CTDSP2: variants seen among roughly 807,000 people sequenced by gnomAD.
CTDSP2 encodes CTD small phosphatase 2.
A neutral mutation model predicts 31.6 loss-of-function variants in CTDSP2; 9 were observed. The ratio of observed to expected loss-of-function variants is 0.28; its 90% CI spans 0.17 to 0.50. The LOEUF is 0.50. Ranked by LOEUF, CTDSP2 falls within the 20% of genes least tolerant of loss-of-function variation. The pLI, the probability that CTDSP2 is intolerant of heterozygous loss-of-function variation, is 0.98. For missense variants in CTDSP2, 267 were observed against 348.5 expected (o/e 0.77, Z 1.86); for synonymous variants, 134 against 134.5 (o/e 1.00, Z 0.03).
intron 1 of CTDSP2, chr12:57,837,248 C>G (rs1304111041): frequency 2.0e-5 from 3 of 152,290 alleles, no homozygotes; most frequent in Non-Finnish European, 4.4e-5. Context: ...GGGTGAGATG[C>G]CTAGACAGCC....
intron 1 of CTDSP2, among the ~76,000 whole-genome samples, chr12:57,835,906 C>T (rs1215418636): frequency 1.3e-5 from 2 of 152,190 alleles, no homozygotes; most frequent in African/African-American, 2.4e-5. Context: ...GTTTCCTCAT[C>T]CATAAACTGG....
At chr12:57,834,470 C>T (rs1956234856) in intron 1 of CTDSP2, among the ~76,000 whole-genome samples, 1 of 152,188 alleles carries the variant, frequency 6.6e-6, no homozygotes, top group Non-Finnish European at 1.5e-5. Context: ...GGGAATCCAC[C>T]CCCACCCCTG....
chr12:57,834,072 G>T (rs1956232351), intron 1 of CTDSP2, among the ~76,000 whole-genome samples: 1 of 152,220 alleles, frequency 6.6e-6, no homozygotes, highest in Non-Finnish European at 1.5e-5. Context: ...CCAGAGCCCA[G>T]GCTCTTAACC....
At chr12:57,839,456 A>T (rs184138398) in intron 1 of CTDSP2, among the ~76,000 whole-genome samples, 36 of 152,304 alleles carry the variant, frequency 2.4e-4, no homozygotes, top group African/African-American at 5.5e-4. Context: ...CGGTGGCTCA[A>T]GCCTGTAATC....
Position 57,823,595 on chromosome 12 carries a change from G to A in CTDSP2, c.*7C>T, listed in dbSNP as rs375641065. 10 of 1,613,488 alleles carry A rather than the reference G, an allele frequency of 6.2e-6. No individual in the cohort carries two copies. In the African/African-American group the frequency reaches 1.3e-4, roughly 22 times the overall value. ...CTGGGATGGCCGTCGCTTGGAAGCA[G>A]GGCAGGCTAAGGGGCCCGCAGCTGC... On this transcript the variant is annotated 3_prime_UTR_variant, in exon 8 of 8. Transcript: ENST00000398073.
Position 57,823,549 on chromosome 12 carries a change from A to G in CTDSP2, c.*53T>C, listed in dbSNP as rs980460310. On this transcript the variant is annotated 3_prime_UTR_variant, in exon 8 of 8. Transcript: ENST00000398073. ...ACTCTGTCACGCTGATCGTAAAGGC[A>G]CAGTGTGGGAAAGTCCCCTACTGGG... 6.2e-7 allele frequency: 1 copy of G among 1,601,846 alleles called. No homozygotes were observed. Among genetic ancestry groups the G allele is most frequent in the Non-Finnish European group, 8.5e-7 (1 of 1,174,478 alleles).
rs564951634 is a variant in CTDSP2 at position 57,836,243 on chromosome 12, C to T, written c.65-6647G>A. Among the ~76,000 whole-genome samples the T allele has an allele frequency of 2.0e-5, 3 of 152,348 alleles. No individual in the cohort carries two copies. In the South Asian group the frequency reaches 6.2e-4, roughly 32 times the overall value. On this transcript the variant is annotated intron_variant, in intron 1 of 7. Transcript: ENST00000398073. ...ATTTGTTTTCCAGCTCACAAACTCC[C>T]TGACTGGGTATTCTGTGAAAAACAA...
intron 4 of CTDSP2, 143 bp downstream of exon 4, chr12:57,826,853 A>G: frequency 1.6e-6 from 1 of 636,662 alleles, no homozygotes; most frequent in South Asian, 1.9e-5. Context: ...CCTGTGACAC[A>G]GGGTGGCCAA....
rs1362352758 is a variant in CTDSP2, at chr12:57,820,879, G to A, written c.*2723C>T. On this transcript the variant is annotated 3_prime_UTR_variant, in exon 8 of 8. Transcript: ENST00000398073. ...AATCAGAGAGACACACTGTGTCCCTGAAGAGGCACCTTAAAAGAACTGAAC... is the reference window on the plus strand; with the variant it reads ...AATCAGAGAGACACACTGTGTCCCTAAAGAGGCACCTTAAAAGAACTGAAC... The A allele has an allele frequency of 1.3e-5, 2 of 152,216 alleles. No homozygotes were observed. The highest frequency in any genetic ancestry group is 2.4e-5 in the African/African-American group (1 of 41,452). 9.4% of individuals were successfully genotyped at this position (152,216 alleles called of 1,614,324 possible).
chr12:57,825,026 T>G (rs913404858), intron 5 of CTDSP2, among the ~76,000 whole-genome samples: 9 of 152,178 alleles, frequency 5.9e-5, no homozygotes, highest in African/African-American at 2.2e-4. Flanking sequence ...CTTTATTTAC[T>G]TATTTTTTTT....
At chr12:57,840,147 C>CA (rs1956273852) in intron 1 of CTDSP2, among the ~76,000 whole-genome samples, 1 of 152,180 alleles carries the variant, frequency 6.6e-6, no homozygotes, top group Non-Finnish European at 1.5e-5. Flanking sequence ...GGGCACCTGT[C>CA]AGAGCCACAA....
intron 3 of CTDSP2, chr12:57,827,307 T>C (rs1038855414): frequency 3.4e-5 from 21 of 625,846 alleles, no homozygotes; most frequent in Non-Finnish European, 5.9e-5. Flanking sequence ...ACATTGGAGG[T>C]GGTGGCCAGG....
chr12:57,843,926 G>A lies in CTDSP2; in HGVS notation c.64+2446C>T, dbSNP rs190421918. On this transcript the variant is annotated intron_variant, in intron 1 of 7. Transcript: ENST00000398073. ...AATTACATGGGGAGGGGCCGGGCGC[G>A]GTGGCTCACGCCTGTAATCCCAGCA... 1.8e-3 allele frequency among the ~76,000 whole-genome samples: 275 copies of A among 152,254 alleles called. 1 individual carries two copies. Among genetic ancestry groups the A allele is most frequent in the African/African-American group, 5.9e-3 (247 of 41,538 alleles).
At chr12:57,838,788 G>C (rs1311314248) in intron 1 of CTDSP2, among the ~76,000 whole-genome samples, 1 of 152,194 alleles carries the variant, frequency 6.6e-6, no homozygotes, top group Non-Finnish European at 1.5e-5. Flanking sequence ...TCTGCAAAAT[G>C]GGAAGACTAC....
intron 5 of CTDSP2, among the ~76,000 whole-genome samples, chr12:57,824,990 A>G (rs1200892499): frequency 6.6e-6 from 1 of 151,938 alleles, no homozygotes; most frequent in East Asian, 1.9e-4. Flanking sequence ...TACTAGAACC[A>G]TTTCCAAAAA....
chr12:57,828,545 G>A (rs774932952), intron 2 of CTDSP2, among the ~76,000 whole-genome samples: 9 of 152,198 alleles, frequency 5.9e-5, no homozygotes, highest in African/African-American at 1.7e-4. Flanking sequence ...ATCTGTGTCC[G>A]CAGACTTTTT....
intron 4 of CTDSP2, among the ~76,000 whole-genome samples, chr12:57,826,736 T>C (rs1409650112): frequency 3.3e-5 from 5 of 152,178 alleles, no homozygotes; most frequent in Admixed American, 3.3e-4. Context: ...CTTTCTGTGC[T>C]ATGTGGCTCG....
intron 1 of CTDSP2, among the ~76,000 whole-genome samples, chr12:57,841,002 T>C (rs947940012): frequency 6.6e-6 from 1 of 152,212 alleles, no homozygotes; most frequent in African/African-American, 2.4e-5. Context: ...TTCTATTTGG[T>C]CTCTGGTCCA....
Position 57,835,764 on chromosome 12 carries a change from C to T in CTDSP2, c.65-6168G>A, listed in dbSNP as rs372022530. On this transcript the variant is annotated intron_variant, in intron 1 of 7. Transcript: ENST00000398073. ...AGGCCAGCCATCCAGCTCACTGCTG[C>T]GAGTCTTCCTACTGAGGCGGGGTGT... Among the ~76,000 whole-genome samples, 9 of 152,286 alleles carry T rather than the reference C, an allele frequency of 5.9e-5. No individual in the cohort carries two copies. In the East Asian group the frequency reaches 1.2e-3, roughly 20 times the overall value.
Sources: allele counts gnomAD v4.1 joint callset (sites outside exome capture counted in the v4.1 genomes callset), GRCh38; gene constraint gnomAD v4.1.1; transcripts MANE v1.5; gene names NCBI Gene and HGNC (gene_info 2026-07-23, HGNC 2026-07-21).